The following NBEA variants were observed in gnomAD, a reference collection of about 807,000 sequenced individuals.
NBEA encodes lysosomal-trafficking regulator 2.
A neutral mutation model predicts 343.4 loss-of-function variants in NBEA; 44 were observed. The ratio of observed to expected loss-of-function variants is 0.13; its 90% confidence interval spans 0.10 to 0.16. NBEA has a LOEUF of 0.16. Among genes scored for constraint, NBEA ranks in the 10% least tolerant of loss-of-function variants. The pLI is 1.00. For synonymous variants in NBEA, 1,175 were observed against 1,238.7 expected (o/e 0.95, Z 1.08); for missense variants, 2,555 against 3,631.3 (o/e 0.70, Z 7.62).
At chr13:35,656,316 A>G (rs1030456494) in intron 55 of NBEA, among the ~76,000 whole-genome samples, 7 of 152,178 alleles carry the variant, frequency 4.6e-5, no homozygotes, top group African/African-American at 1.7e-4. Flanking sequence ...GCACCCTAAG[A>G]TATCCCATAG....
intron 34 of NBEA, among the ~76,000 whole-genome samples, chr13:35,276,113 C>G (rs1313447058): frequency 1.3e-5 from 2 of 152,134 alleles, no homozygotes; most frequent in African/African-American, 4.8e-5. Flanking sequence ...ATGACTTTAT[C>G]CCTTACTATG....
intron 36 of NBEA, among the ~76,000 whole-genome samples, chr13:35,329,751 T>C (rs941971105): frequency 2.0e-5 from 3 of 151,990 alleles, no homozygotes; most frequent in East Asian, 1.9e-4. Flanking sequence ...CTTGATTAGA[T>C]GAAATATGCA....
intron 33 of NBEA, 136 bp from the exon 34 acceptor site, chr13:35,232,356 A>T (rs966650290): frequency 8.0e-6 from 5 of 623,356 alleles, no homozygotes; most frequent in African/African-American, 5.6e-5. Context: ...GGTATCCCTT[A>T]TACATGAAGC....
intron 39 of NBEA, among the ~76,000 whole-genome samples, chr13:35,443,376 T>G (rs542614395): frequency 6.6e-6 from 1 of 152,166 alleles, no homozygotes; most frequent in South Asian, 2.1e-4. Context: ...GAACCAAGTT[T>G]ATTATAAATT....
At chr13:35,069,883 G>A in intron 8 of NBEA, 25 bp from the exon 9 acceptor site, 5 of 1,499,570 alleles carry the variant, frequency 3.3e-6, no homozygotes, top group East Asian at 2.3e-5. Context: ...TAAAAAGAGT[G>A]TTTACCTTAG....
At chr13:35,412,722 A>G (rs2043665034) in intron 38 of NBEA, among the ~76,000 whole-genome samples, 1 of 152,130 alleles carries the variant, frequency 6.6e-6, no homozygotes, top group Non-Finnish European at 1.5e-5. Context: ...GAGAGGCAGG[A>G]AACAGCTATG....
chr13:35,216,817 T>C (rs2074090907), intron 33 of NBEA, among the ~76,000 whole-genome samples: 1 of 151,932 alleles, frequency 6.6e-6, no homozygotes. Flanking sequence ...TAAAGGACAT[T>C]TAAGTTTTTT....
chr13:35,287,763 A>ATTC (rs1456369921), intron 34 of NBEA, among the ~76,000 whole-genome samples: 1 of 152,008 alleles, frequency 6.6e-6, no homozygotes, highest in East Asian at 1.9e-4. Flanking sequence ...AGCAAACAGA[A>ATTC]TGGGCTTTGA....
intron 32 of NBEA, among the ~76,000 whole-genome samples, chr13:35,210,277 AGTGTGT>A (rs560748566): frequency 6.7e-6 from 1 of 149,930 alleles, no homozygotes; most frequent in Non-Finnish European, 1.5e-5. Flanking sequence ...ACTTCTTAAA[AGTGTGT>A]GTGTGTGTGT....
chr13:35,316,183 C>T (rs1433478700), intron 36 of NBEA, among the ~76,000 whole-genome samples: 1 of 151,900 alleles, frequency 6.6e-6, no homozygotes, highest in African/African-American at 2.4e-5. Flanking sequence ...TAGGTATACA[C>T]GTGTCATGGT....
intron 34 of NBEA, among the ~76,000 whole-genome samples, chr13:35,274,764 A>G (rs1467840373): frequency 1.3e-5 from 2 of 152,208 alleles, no homozygotes; most frequent in Admixed American, 1.3e-4. Context: ...AATTACTACA[A>G]AGAGAATAAA....
chr13:35,254,831 T>A (rs1239980959), intron 34 of NBEA, among the ~76,000 whole-genome samples: 1 of 152,098 alleles, frequency 6.6e-6, no homozygotes, highest in Non-Finnish European at 1.5e-5. Flanking sequence ...AAATTTCAAA[T>A]TGGTAAGAAT....
intron 38 of NBEA, among the ~76,000 whole-genome samples, chr13:35,412,100 A>T (rs1015209074): frequency 1.3e-5 from 2 of 152,176 alleles, no homozygotes; most frequent in African/African-American, 4.8e-5. Flanking sequence ...GGTGCAAAAA[A>T]TTTGAAATCC....
intron 33 of NBEA, among the ~76,000 whole-genome samples, chr13:35,226,510 C>T (rs1228022767): frequency 6.6e-6 from 1 of 152,024 alleles, no homozygotes; most frequent in Non-Finnish European, 1.5e-5. Context: ...GTTATTATTA[C>T]AATTTTCCTG....
At chr13:35,511,319 C>T (rs2077266753) in intron 41 of NBEA, among the ~76,000 whole-genome samples, 1 of 152,120 alleles carries the variant, frequency 6.6e-6, no homozygotes, top group Non-Finnish European at 1.5e-5. Flanking sequence ...AATTTTTAAC[C>T]ACATAAGGAC....
chr13:35,435,220 C>G (rs1311625918), intron 39 of NBEA, among the ~76,000 whole-genome samples: 1 of 152,048 alleles, frequency 6.6e-6, no homozygotes, highest in African/African-American at 2.4e-5. Flanking sequence ...ACTGTGTTGG[C>G]CAGGCTGGTC....
chr13:35,562,294 T>C (rs1396338140), intron 44 of NBEA, among the ~76,000 whole-genome samples: 1 of 152,118 alleles, frequency 6.6e-6, no homozygotes, highest in Non-Finnish European at 1.5e-5. Flanking sequence ...TGGTTTCAAC[T>C]TTCAGTTCCC....
At chr13:35,460,441 C>A (rs17052230) in intron 40 of NBEA, among the ~76,000 whole-genome samples, 7,272 of 152,248 alleles carry the variant, frequency 0.048, 339 homozygotes, top group African/African-American at 0.12. Flanking sequence ...ATGCCTATTT[C>A]TTATAAAAGC....
chr13:35,580,354 A>G (rs1194224750), intron 45 of NBEA, among the ~76,000 whole-genome samples: 1 of 152,162 alleles, frequency 6.6e-6, no homozygotes, highest in Non-Finnish European at 1.5e-5. Context: ...ACTATAATGA[A>G]AATTGAAAAA....
Sources: allele counts gnomAD v4.1 joint callset (sites outside exome capture counted in the v4.1 genomes callset), GRCh38; gene constraint gnomAD v4.1.1; transcripts MANE v1.5; gene names NCBI Gene and HGNC (gene_info 2026-07-23, HGNC 2026-07-21).